PTPRT: variants seen among roughly 807,000 people sequenced by gnomAD.
PTPRT encodes the protein protein tyrosine phosphatase receptor type T, also known as receptor-type tyrosine-protein phosphatase T.
PTPRT carries 56 observed loss-of-function variants against 176.8 expected under a neutral mutation model. That is an observed-to-expected ratio of 0.32 (90% confidence interval 0.26 to 0.40). The LOEUF (loss-of-function observed/expected upper bound fraction) is 0.40, where lower values mean the gene tolerates loss of function less well. PTPRT is among the 10% of genes least tolerant of loss of function. PTPRT has a pLI of 1.00. For synonymous variants in PTPRT, 783 were observed against 739.0 expected (o/e 1.06, Z -0.96); for missense variants, 1,540 against 1,908.2 (o/e 0.81, Z 3.60).
intron 7 of PTPRT, among the ~76,000 whole-genome samples, chr20:42,608,019 C>G (rs2073909848): frequency 6.6e-6 from 1 of 152,134 alleles, no homozygotes; most frequent in Non-Finnish European, 1.5e-5. Context: ...TCATCTATGC[C>G]CTGGTGGGAG....
intron 13 of PTPRT, among the ~76,000 whole-genome samples, chr20:42,263,239 A>G (rs1038972707): frequency 1.3e-5 from 2 of 151,612 alleles, no homozygotes; most frequent in African/African-American, 2.4e-5. Flanking sequence ...CTTTTTTTTG[A>G]GACTGGGTCT....
At chr20:43,070,430 A>G (rs1175599162) in intron 1 of PTPRT, among the ~76,000 whole-genome samples, 1 of 152,178 alleles carries the variant, frequency 6.6e-6, no homozygotes, top group Non-Finnish European at 1.5e-5. Context: ...TTCCTCAGGG[A>G]TCTAGAACTA....
At chr20:42,528,015 T>C (rs2072309368) in intron 7 of PTPRT, among the ~76,000 whole-genome samples, 3 of 152,356 alleles carry the variant, frequency 2.0e-5, no homozygotes, top group East Asian at 1.9e-4. Flanking sequence ...CCACTGTTCA[T>C]AGGCCAAGGA....
intron 2 of PTPRT, among the ~76,000 whole-genome samples, chr20:42,836,799 G>A (rs938733882): frequency 2.0e-5 from 3 of 152,314 alleles, no homozygotes; most frequent in Non-Finnish European, 4.4e-5. Context: ...ACAATAAGTC[G>A]TGTTTACTGG....
intron 23 of PTPRT, among the ~76,000 whole-genome samples, chr20:42,107,947 ATGAAGTCTGAC>A (rs1197405765): frequency 6.6e-6 from 1 of 152,210 alleles, no homozygotes; most frequent in Non-Finnish European, 1.5e-5. Context: ...CATGGTTTGA[ATGAAGTCTGAC>A]TTAAGTTTGC....
intron 6 of PTPRT, among the ~76,000 whole-genome samples, chr20:42,717,295 A>G (rs1202705360): frequency 2.0e-5 from 3 of 152,004 alleles, no homozygotes; most frequent in Non-Finnish European, 4.4e-5. Context: ...CATCAAAATA[A>G]TGATAAAAAA....
At chr20:42,833,003 T>C (rs1418695386) in intron 2 of PTPRT, among the ~76,000 whole-genome samples, 1 of 151,874 alleles carries the variant, frequency 6.6e-6, no homozygotes, top group Admixed American at 6.6e-5. Context: ...GGTGGGAGGA[T>C]TGCTTGAACA....
At chr20:42,635,797 T>G (rs747380532) in intron 7 of PTPRT, among the ~76,000 whole-genome samples, 14 of 152,132 alleles carry the variant, frequency 9.2e-5, no homozygotes, top group Non-Finnish European at 1.9e-4. Context: ...GTCTAGTTGG[T>G]AGAACGAGAT....
At chr20:42,707,866 G>A (rs1351617786) in intron 6 of PTPRT, among the ~76,000 whole-genome samples, 2 of 152,114 alleles carry the variant, frequency 1.3e-5, no homozygotes, top group Admixed American at 6.5e-5. Flanking sequence ...CTAACACCTT[G>A]ACTCCAGCTT....
At chr20:42,646,559 T>C (rs2145951555) in intron 7 of PTPRT, among the ~76,000 whole-genome samples, 1 of 152,226 alleles carries the variant, frequency 6.6e-6, no homozygotes, top group Non-Finnish European at 1.5e-5. Flanking sequence ...TCAATTTAAA[T>C]TCATTAAAAT....
chr20:42,846,231 C>T (rs898340316), intron 2 of PTPRT, among the ~76,000 whole-genome samples: 6 of 152,210 alleles, frequency 3.9e-5, no homozygotes, highest in African/African-American at 1.4e-4. Context: ...ATCCACCCTT[C>T]CCATCCTCAT....
chr20:42,736,434 T>G (rs1222043522), intron 6 of PTPRT, among the ~76,000 whole-genome samples: 1 of 152,196 alleles, frequency 6.6e-6, no homozygotes, highest in Non-Finnish European at 1.5e-5. Context: ...AGCCCTGCAG[T>G]TGCTTCATTT....
intron 11 of PTPRT, among the ~76,000 whole-genome samples, chr20:42,322,656 C>G (rs1224363167): frequency 1.3e-5 from 2 of 151,670 alleles, no homozygotes; most frequent in Non-Finnish European, 1.5e-5. Flanking sequence ...CCATAAAAAA[C>G]CTAGAAGAAA....
At chr20:42,926,689 G>A (rs1037610311) in intron 1 of PTPRT, among the ~76,000 whole-genome samples, 3 of 152,114 alleles carry the variant, frequency 2.0e-5, no homozygotes, top group African/African-American at 7.2e-5. Flanking sequence ...CTCCCCGTGT[G>A]CCCAAGGACC....
chr20:42,072,748 C>G (rs115829436), downstream of PTPRT: 1,109 of 204,370 alleles, frequency 5.4e-3, 17 homozygotes, highest in African/African-American at 0.024. Context: ...GACACCAGTA[C>G]GAATATCTTA....
At chr20:42,109,639 T>A (rs1256251692) in intron 23 of PTPRT, among the ~76,000 whole-genome samples, 1 of 152,234 alleles carries the variant, frequency 6.6e-6, no homozygotes, top group Non-Finnish European at 1.5e-5. Context: ...TGAGGGCAAG[T>A]GTCTGGAGAA....
chr20:42,237,087 C>A (rs536209815), intron 14 of PTPRT, among the ~76,000 whole-genome samples: 1 of 152,304 alleles, frequency 6.6e-6, no homozygotes, highest in South Asian at 2.1e-4. Context: ...AAATGTCCCA[C>A]CAGCCCCCAG....
In PTPRT at chr20:42,202,739, A is replaced by G. The variant is rs561328851; in HGVS notation, c.2343-3351T>C. On this transcript the variant is annotated intron_variant, in intron 15 of 30. Transcript: ENST00000373187. ...AATCTGATAAGAGAGTTAACTTAAA[A>G]CTATAAATGAGTATGTTTCGGAGGC... Among the ~76,000 whole-genome samples, 42 of 152,304 alleles carry G rather than the reference A, an allele frequency of 2.8e-4. 1 individual carries two copies. The South Asian group carries it at 8.1e-3, about 29-fold the overall frequency.
At chr20:42,420,155 G>A (rs935818351) in intron 9 of PTPRT, among the ~76,000 whole-genome samples, 13 of 152,070 alleles carry the variant, frequency 8.5e-5, no homozygotes, top group Non-Finnish European at 1.6e-4. Flanking sequence ...AAATCATATC[G>A]GGTTGCTATG....
Sources: allele counts gnomAD v4.1 joint callset (sites outside exome capture counted in the v4.1 genomes callset), GRCh38; gene constraint gnomAD v4.1.1; transcripts MANE v1.5; gene names NCBI Gene and HGNC (gene_info 2026-07-23, HGNC 2026-07-21).